Variants in MBNL3 observed in about 807,000 individuals in gnomAD.
The protein encoded by MBNL3 is muscleblind like splicing regulator 3, also known as muscleblind-like protein 3.
In MBNL3, 6 loss-of-function variants were observed where a neutral mutation model predicts 24.5. That is an observed-to-expected ratio of 0.25 (90% CI 0.13 to 0.48). The LOEUF is 0.48. MBNL3 is among the 20% of genes least tolerant of loss of function. MBNL3 has a pLI of 0.99. For missense variants in MBNL3, 230 were observed against 293.5 expected (o/e 0.78, Z 1.58); for synonymous variants, 100 against 101.7 (o/e 0.98, Z 0.10).
intron 2 of MBNL3, among the ~76,000 whole-genome samples, chrX:132,415,942 G>A (rs1943248052): frequency 9.0e-6 from 1 of 110,791 alleles, no homozygotes; most frequent in African/African-American, 3.3e-5. Flanking sequence ...GTAGGCAACT[G>A]TTGGTAAGAA....
At position 132,387,822 on chromosome X, in the gene MBNL3, G is replaced by T. The variant is rs191602946; in HGVS notation, c.772-1011C>A. ...GTACCATTTGCTTTGTTAAGTTCTT[G>T]TAAGGTTTAATTCTAAAACCTATTA... On this transcript the variant is annotated intron_variant, in intron 5 of 8. Transcript: ENST00000370853. 6.2e-5 allele frequency among the ~76,000 whole-genome samples: 7 copies of T among 112,099 alleles called. No individual in the cohort carries two copies. The East Asian group carries it at 2.0e-3, about 31-fold the overall frequency.
intron 3 of MBNL3, among the ~76,000 whole-genome samples, chrX:132,394,690 C>G (rs1343110437): frequency 8.9e-6 from 1 of 112,473 alleles, no homozygotes; most frequent in Non-Finnish European, 1.9e-5. Flanking sequence ...AAATGCTGAT[C>G]AATCAACAAT....
intron 1 of MBNL3, among the ~76,000 whole-genome samples, chrX:132,467,134 C>G (rs186313796): frequency 9.0e-6 from 1 of 111,707 alleles, no homozygotes; most frequent in East Asian, 2.8e-4. Flanking sequence ...TATACAAGAG[C>G]TTAGTTGGAC....
intron 1 of MBNL3, among the ~76,000 whole-genome samples, chrX:132,450,934 A>G (rs1049397304): frequency 8.9e-6 from 1 of 112,023 alleles, no homozygotes; most frequent in African/African-American, 3.2e-5. Flanking sequence ...TCTCTGCTGC[A>G]TGTCTGTTGG....
rs913397633 is a variant in MBNL3 at position 132,378,994 on chromosome X, A to G, written c.*672T>C. 4 of 112,054 alleles carry G rather than the reference A, an allele frequency of 3.6e-5. No individual in the cohort carries two copies. The highest frequency in any genetic ancestry group is 5.6e-5 in the Non-Finnish European group (3 of 53,153). 9.2% of individuals were successfully genotyped at this position (112,054 alleles called of 1,213,427 possible). On this transcript the variant is annotated 3_prime_UTR_variant, in exon 9 of 9. Coordinates refer to ENST00000370853, the MANE Select transcript of MBNL3 (RefSeq NM_001386889.1). ...AATGAGCAGGTTTTGTGCACATTCAAAAGTGAGGCGTTTTAAATGTCAGTC... is the reference window on the plus strand; with the variant it reads ...AATGAGCAGGTTTTGTGCACATTCAGAAGTGAGGCGTTTTAAATGTCAGTC...
At chrX:132,416,555 T>C (rs1480371587) in intron 2 of MBNL3, among the ~76,000 whole-genome samples, 7 of 111,559 alleles carry the variant, frequency 6.3e-5, no homozygotes, top group Non-Finnish European at 1.3e-4. Flanking sequence ...TAACAATTTA[T>C]TGTATATTTT....
At chrX:132,464,058 G>A (rs1946767611) in intron 1 of MBNL3, among the ~76,000 whole-genome samples, 1 of 112,237 alleles carries the variant, frequency 8.9e-6, no homozygotes, top group Non-Finnish European at 1.9e-5. Context: ...AATATTGTTG[G>A]AAATCAGTAG....
At chrX:132,412,833 C>A (rs915219980) in intron 2 of MBNL3, among the ~76,000 whole-genome samples, 22 of 112,118 alleles carry the variant, frequency 2.0e-4, no homozygotes, top group African/African-American at 7.1e-4. Flanking sequence ...TATTTACAAA[C>A]CAGCCAACCA....
intron 3 of MBNL3, among the ~76,000 whole-genome samples, chrX:132,396,939 T>TATATACATTC (rs1166719511): frequency 3.0e-4 from 24 of 80,270 alleles, no homozygotes; most frequent in African/African-American, 9.8e-4. Flanking sequence ...TATACATTCA[T>TATATACATTC]ATATATATTC....
At chrX:132,411,674 C>G (rs1417469276) in intron 2 of MBNL3, among the ~76,000 whole-genome samples, 3 of 111,640 alleles carry the variant, frequency 2.7e-5, no homozygotes, top group Admixed American at 1.9e-4. Flanking sequence ...CCCCATTTAT[C>G]TCTCCCTCCT....
intron 1 of MBNL3, among the ~76,000 whole-genome samples, chrX:132,463,348 G>T: frequency 9.0e-6 from 1 of 111,605 alleles, no homozygotes; most frequent in East Asian, 2.8e-4. Context: ...TGTAGTCCCA[G>T]CTACTCCGGA....
Position 132,374,825 on chromosome X carries a change from A to T in MBNL3, c.*4841T>A, listed in dbSNP as rs1392157367. 1 of 111,980 alleles carries T rather than the reference A, an allele frequency of 8.9e-6. No homozygotes were observed. The highest frequency in any genetic ancestry group is 3.2e-5 in the African/African-American group (1 of 30,886). 9.2% of individuals were successfully genotyped at this position (111,980 alleles called of 1,213,427 possible). A position where few individuals can be genotyped will look rare whatever the true frequency, so the allele number is the denominator to read the frequency against. On this transcript the variant is annotated 3_prime_UTR_variant, in exon 9 of 9. Coordinates refer to ENST00000370853, the MANE Select transcript of MBNL3 (RefSeq NM_001386889.1). ...GTCATACATTAATCCTCATATAGCTATATTTGCTCATGTAATTCCAGAAAA... is the reference window on the plus strand; with the variant it reads ...GTCATACATTAATCCTCATATAGCTTTATTTGCTCATGTAATTCCAGAAAA...
intron 1 of MBNL3, among the ~76,000 whole-genome samples, chrX:132,451,757 G>A (rs1258279196): frequency 9.0e-6 from 1 of 111,397 alleles, no homozygotes. Flanking sequence ...CTCCCCAAAC[G>A]GCTGCCCAGT....
rs779948958 is a variant in MBNL3 at position 132,375,952 on chromosome X, C to T, written c.*3714G>A. 1 of 111,953 alleles carries T rather than the reference C, an allele frequency of 8.9e-6. No homozygotes were observed. The highest frequency in any genetic ancestry group is 3.2e-5 in the African/African-American group (1 of 30,957). 9.2% of individuals were successfully genotyped at this position (111,953 alleles called of 1,213,427 possible). A position where few individuals can be genotyped will look rare whatever the true frequency, so the allele number is the denominator to read the frequency against. ...ATTTAATAAAATGTAATGTAAATGTCATTCCTTATTCAGATACCACTATGC... is the reference window on the plus strand; with the variant it reads ...ATTTAATAAAATGTAATGTAAATGTTATTCCTTATTCAGATACCACTATGC... On this transcript the variant is annotated 3_prime_UTR_variant, in exon 9 of 9. Transcript: ENST00000370853.
rs147336637 is a variant in MBNL3, at chrX:132,386,802, G to T, written c.781C>A (p.Pro261Thr). Residue 261 changes from proline to threonine, a missense_variant, in exon 6 of 9, where the codon CCT becomes ACT. Transcript: ENST00000370853. ...TTTGGTATCAGTTGCAGTGTACCAG[G>T]CTGCAGGGCCTGTGGGGGGAGAGAT... is the stretch of plus-strand genomic sequence containing the variant. The part of the protein sequence containing the change: ...HSAASAMALQ[P>T]GTLQLIPKRS... 9.1e-5 allele frequency: 110 copies of T among 1,208,219 alleles called. No individual in the cohort carries two copies. Among genetic ancestry groups the T allele is most frequent in the Non-Finnish European group, 1.2e-4 (107 of 894,635 alleles).
intron 1 of MBNL3, among the ~76,000 whole-genome samples, chrX:132,451,496 A>G (rs537159339): frequency 1.8e-5 from 2 of 111,651 alleles, no homozygotes; most frequent in South Asian, 7.6e-4. Context: ...CTCAAGCCTC[A>G]GTAATGGTGG....
chrX:132,482,283 CCT>C (rs1339978616), intron 1 of MBNL3, among the ~76,000 whole-genome samples: 2 of 112,149 alleles, frequency 1.8e-5, no homozygotes, highest in African/African-American at 3.2e-5. Context: ...TGCTAAATAC[CCT>C]GATTTGATCA....
At chrX:132,407,794 T>C (rs995878078) in intron 2 of MBNL3, among the ~76,000 whole-genome samples, 3 of 111,276 alleles carry the variant, frequency 2.7e-5, no homozygotes, top group Non-Finnish European at 5.7e-5. Context: ...GATTCTCCAC[T>C]CTCCATCTAC....
chrX:132,486,550 A>T (rs1948019222), intron 1 of MBNL3, among the ~76,000 whole-genome samples: 1 of 112,411 alleles, frequency 8.9e-6, no homozygotes, highest in South Asian at 3.7e-4. Context: ...AGCAAATACA[A>T]TGCAGACAAC....
Sources: allele counts gnomAD v4.1 joint callset (sites outside exome capture counted in the v4.1 genomes callset), GRCh38; gene constraint gnomAD v4.1.1; transcripts MANE v1.5; gene names NCBI Gene and HGNC (gene_info 2026-07-23, HGNC 2026-07-21).